The following SLC35F3 variants were observed in gnomAD, a reference collection of about 807,000 sequenced individuals.
The protein encoded by SLC35F3 is solute carrier family 35 member F3.
SLC35F3 carries 25 observed loss-of-function variants against 49.9 expected under a neutral mutation model. The ratio of observed to expected loss-of-function variants is 0.50; its 90% CI spans 0.37 to 0.70. The LOEUF (loss-of-function observed/expected upper bound fraction) is 0.70. Ranked by LOEUF, SLC35F3 falls within the 30% of genes least tolerant of loss-of-function variation. The probability of loss-of-function intolerance (pLI) is 0.00; values close to 1 mark genes in which losing one functional copy is unlikely to be tolerated. For missense variants in SLC35F3, 525 were observed against 639.8 expected, an observed-to-expected ratio of 0.82 and a Z score of 1.94; for synonymous variants, 275 against 265.4, an observed-to-expected ratio of 1.04 and a Z score of -0.35.
chr1:234,274,282 A>G (rs1668161641), intron 3 of SLC35F3: 1 of 152,224 alleles, frequency 6.6e-6, no homozygotes, highest in African/African-American at 2.4e-5. Flanking sequence ...GTCACCAAAG[A>G]GATTTTTAAT....
In SLC35F3 at chr1:234,231,557, G is replaced by A. The variant is rs530447111; in HGVS notation, c.424G>A (p.Val142Met). ...GAAGATCTTCTGGGGCGTGGCGGTC[G>A]TGCTGTGCGTGTGCTCCTCGTGGGC... ...LKKIFWGVAVVLCVCSSWAGS... is the reference protein window; with the variant it reads ...LKKIFWGVAVMLCVCSSWAGS... Residue 142 changes from valine to methionine, a missense_variant, in exon 3 of 8, where the codon GTG (valine) becomes ATG (methionine). Coordinates refer to ENST00000366618, the MANE Select transcript of SLC35F3 (RefSeq NM_173508.4). This position sits in a 1 kb window ranked among gnomAD's most constrained non-coding sequence, Gnocchi z 5.4. The A allele has an allele frequency of 1.2e-6, 2 of 1,614,156 alleles. No individual in the cohort carries two copies. The highest frequency in any genetic ancestry group is 1.3e-5 in the African/African-American group (1 of 75,056).
chr1:234,016,007 C>T (rs1420710892), intron 2 of SLC35F3, among the ~76,000 whole-genome samples: 1 of 152,000 alleles, frequency 6.6e-6, no homozygotes, highest in East Asian at 1.9e-4. Context: ...GACATTTCTC[C>T]AAAAAAGACA....
chr1:234,116,972 A>G (rs12410062), intron 2 of SLC35F3, among the ~76,000 whole-genome samples: 21,090 of 152,224 alleles, frequency 0.14, 3,208 homozygotes, highest in East Asian at 0.81. Flanking sequence ...GCAATGGTTT[A>G]TCTTATGGAG....
At chr1:233,945,609 A>T (rs561878217) in intron 2 of SLC35F3, among the ~76,000 whole-genome samples, 1 of 152,346 alleles carries the variant, frequency 6.6e-6, no homozygotes, top group Admixed American at 6.5e-5. Context: ...CCTCACCCAG[A>T]TCTCATCTTG....
chr1:234,309,309 A>T lies in SLC35F3; in HGVS notation c.817A>T (p.Met273Leu), dbSNP rs2102993986. The change falls in exon 4 of 8, where the codon ATG becomes TTG. Residue 273 changes from methionine to leucine, a missense_variant. By Grantham distance (15) the Met-to-Leu change is conservative. Coordinates refer to ENST00000366618, the MANE Select transcript of SLC35F3 (RefSeq NM_173508.4). Reference sequence around the variant, plus strand: ...ATGGATCGTTCTCAGGGACAGATTCATGGGAGTGAGGGTAAGTTCCTTATT... The same window carrying T: ...ATGGATCGTTCTCAGGGACAGATTCTTGGGAGTGAGGGTAAGTTCCTTATT... Reference protein sequence around the residue: ...LSWIVLRDRFMGVRIVAAILA... With the variant: ...LSWIVLRDRFLGVRIVAAILA... 6.2e-7 allele frequency: 1 copy of T among 1,614,182 alleles called. No individual in the cohort carries two copies. The highest frequency in any genetic ancestry group is 2.2e-5 in the East Asian group (1 of 44,890).
intron 2 of SLC35F3, among the ~76,000 whole-genome samples, chr1:233,946,577 T>A (rs1281959273): frequency 4.6e-5 from 7 of 152,222 alleles, no homozygotes; most frequent in African/African-American, 1.7e-4. Flanking sequence ...CTTATTTAAA[T>A]TTTTTGGATG....
At chr1:233,943,014 T>C (rs1662453714) in intron 2 of SLC35F3, among the ~76,000 whole-genome samples, 1 of 152,260 alleles carries the variant, frequency 6.6e-6, no homozygotes. Context: ...TCATTCATGC[T>C]GTTGCAAATG....
chr1:234,171,761 C>T lies in SLC35F3; in HGVS notation c.284-59656C>T, dbSNP rs550566297. Among the ~76,000 whole-genome samples, 9 of 152,208 alleles carry T rather than the reference C, an allele frequency of 5.9e-5. 1 individual carries two copies. The South Asian group carries it at 1.7e-3, about 28-fold the overall frequency. ...GAATAATTTCTAGTGTTCTATATTA[C>T]TGTAGAATAACTGTAGTTAAGAATA... On this transcript the variant is annotated intron_variant, in intron 2 of 7. Transcript: ENST00000366618.
At chr1:234,317,715 A>G (rs1430695277) in intron 5 of SLC35F3, among the ~76,000 whole-genome samples, 1 of 152,194 alleles carries the variant, frequency 6.6e-6, no homozygotes. Flanking sequence ...TCTTTCTCTG[A>G]GCACCTCTCA....
At chr1:234,299,418 A>G (rs992186867) in intron 3 of SLC35F3, among the ~76,000 whole-genome samples, 4 of 151,740 alleles carry the variant, frequency 2.6e-5, no homozygotes, top group African/African-American at 4.8e-5. Flanking sequence ...AGTCAAGGTG[A>G]TCCTCATGCC....
chr1:234,271,153 G>T (rs1196444580), intron 3 of SLC35F3, among the ~76,000 whole-genome samples: 1 of 152,154 alleles, frequency 6.6e-6, no homozygotes, highest in Admixed American at 6.5e-5. Context: ...ATAGTCAGAG[G>T]CCAGCTATAA....
chr1:234,249,728 C>T (rs1175934993), intron 3 of SLC35F3, among the ~76,000 whole-genome samples: 1 of 152,216 alleles, frequency 6.6e-6, no homozygotes, highest in Non-Finnish European at 1.5e-5. Flanking sequence ...TCACCATTAT[C>T]GTTCATGGGT....
intron 2 of SLC35F3, among the ~76,000 whole-genome samples, chr1:234,160,202 T>C (rs1235189513): frequency 1.3e-5 from 2 of 152,184 alleles, no homozygotes; most frequent in African/African-American, 4.8e-5. Context: ...GACAGAAATA[T>C]ATAGCAGGCC....
At chr1:234,001,088 A>T (rs1031282622) in intron 2 of SLC35F3, among the ~76,000 whole-genome samples, 10 of 152,228 alleles carry the variant, frequency 6.6e-5, no homozygotes, top group African/African-American at 2.4e-4. Flanking sequence ...GTGCAGCCAC[A>T]TGACACATCT....
chr1:234,078,628 G>A (rs548000805), intron 2 of SLC35F3, among the ~76,000 whole-genome samples: 1 of 152,144 alleles, frequency 6.6e-6, no homozygotes, highest in African/African-American at 2.4e-5. Context: ...CCTTTCTTCT[G>A]TATCTGGCCA....
chr1:234,176,580 G>A (rs1481033370), intron 2 of SLC35F3, among the ~76,000 whole-genome samples: 2 of 152,128 alleles, frequency 1.3e-5, no homozygotes, highest in African/African-American at 4.8e-5. Flanking sequence ...CTTTGAGATG[G>A]TCACTAGACT....
At chr1:234,047,105 A>G (rs1050578998) in intron 2 of SLC35F3, among the ~76,000 whole-genome samples, 6 of 152,238 alleles carry the variant, frequency 3.9e-5, no homozygotes, top group Non-Finnish European at 8.8e-5. Context: ...TTGATTAAAC[A>G]TAGCTTACTT....
intron 2 of SLC35F3, among the ~76,000 whole-genome samples, chr1:234,069,693 A>C (rs1190961604): frequency 1.3e-5 from 2 of 152,144 alleles, no homozygotes; most frequent in Non-Finnish European, 2.9e-5. Context: ...GGGTCCTCAG[A>C]ACAGGGGTCC....
At chr1:234,067,844 A>G (rs927970825) in intron 2 of SLC35F3, among the ~76,000 whole-genome samples, 6 of 152,230 alleles carry the variant, frequency 3.9e-5, no homozygotes, top group Admixed American at 1.3e-4. Flanking sequence ...TGAAGGGGTC[A>G]TGGGTCATGG....
Sources: allele counts gnomAD v4.1 joint callset (sites outside exome capture counted in the v4.1 genomes callset), GRCh38; gene constraint gnomAD v4.1.1; non-coding constraint Gnocchi (gnomAD v3.1); transcripts MANE v1.5; gene names NCBI Gene and HGNC (gene_info 2026-07-23, HGNC 2026-07-21).